Variants in BECN1 observed in about 807,000 individuals in gnomAD.
BECN1 encodes the protein beclin-1.
In BECN1, 15 loss-of-function variants were observed where a neutral mutation model predicts 60.1. The ratio of observed to expected loss-of-function variants is 0.25; its 90% CI spans 0.17 to 0.38. BECN1 has a LOEUF of 0.38. Ranked by LOEUF, BECN1 falls within the 10% of genes least tolerant of loss-of-function variation. BECN1 has a pLI of 1.00. For missense variants in BECN1, 424 were observed against 548.2 expected, an observed-to-expected ratio of 0.77 and a Z score of 2.26; for synonymous variants, 179 against 201.8, an observed-to-expected ratio of 0.89 and a Z score of 0.96.
chr17:42,814,157 T>C (rs368485482), intron 9 of BECN1, 149 bp from the exon 10 acceptor site: 46 of 560,452 alleles, frequency 8.2e-5, no homozygotes, highest in African/African-American at 7.5e-4. Context: ...ATTGAATCCA[T>C]GTTTAAAAGA....
chr17:42,818,753 C>CCTA, intron 5 of BECN1, 34 bp downstream of exon 5: 1 of 1,613,940 alleles, frequency 6.2e-7, no homozygotes, highest in African/African-American at 1.3e-5. Flanking sequence ...CCCAGCCAGG[C>CCTA]CTACTGCTTG....
At chr17:42,817,233 C>A (rs1448442235) in intron 7 of BECN1, among the ~76,000 whole-genome samples, 2 of 150,774 alleles carry the variant, frequency 1.3e-5, no homozygotes, top group East Asian at 3.9e-4. Context: ...AAGTCAAGGC[C>A]GCAGTGAGTC....
chr17:42,811,177 G>T (rs746644776), intron 11 of BECN1: 3 of 388,456 alleles, frequency 7.7e-6, no homozygotes, highest in Non-Finnish European at 9.0e-6. Flanking sequence ...GAGTAGGGGT[G>T]AGTGAGGGTT....
rs2055340003 is a variant in BECN1 at position 42,824,187 on chromosome 17, G to C, written c.-35C>G. ...GCCCGGAGCCCGTCACCCAAGTCCG[G>C]TCTACCGCGGAGGCACTGTGGCCTC... On this transcript the variant is annotated 5_prime_UTR_variant, in exon 1 of 12. Coordinates refer to ENST00000590099, the MANE Select transcript of BECN1 (RefSeq NM_001313998.2). 7.1e-6 allele frequency: 3 copies of C among 424,360 alleles called. No homozygotes were observed. The highest frequency in any genetic ancestry group is 4.2e-6 in the Non-Finnish European group (1 of 239,232). The allele number at this position is 424,360 out of a possible 1,614,324, so 26.3% of individuals were successfully genotyped here.
Position 42,810,859 on chromosome 17 carries a change from C to T in BECN1, c.1254G>A (p.Gln418=). 6.2e-7 allele frequency: 1 copy of T among 1,613,662 alleles called. No homozygotes were observed. The highest frequency in any genetic ancestry group is 8.5e-7 in the Non-Finnish European group (1 of 1,179,824). ...GSGGSYSIKT[Q]FNSEEQWTKA... The stretch of plus-strand genomic sequence containing the variant: ...TTGTCCACTGCTCCTCAGAGTTAAA[C>T]TGGGTTTTGATGGAATAGGAGCCGC... Residue 418 remains glutamine, a synonymous_variant, in exon 12 of 12, where the codon CAG becomes CAA. Transcript: ENST00000590099.
chr17:42,813,893 T>C, intron 10 of BECN1, 55 bp downstream of exon 10: 2 of 1,302,434 alleles, frequency 1.5e-6, no homozygotes, highest in Non-Finnish European at 2.1e-6. Context: ...CCATCCATTT[T>C]CTTAAGAGAT....
chr17:42,823,937 C>T (rs113788577), intron 1 of BECN1, 58 bp from the exon 2 acceptor site: 5 of 1,584,068 alleles, frequency 3.2e-6, no homozygotes, highest in East Asian at 2.3e-5. Context: ...ACCTCCGGCC[C>T]GGGGTTACCA....
At chr17:42,818,106 C>A (rs1371937387) in intron 7 of BECN1, 115 bp downstream of exon 7, 6 of 1,112,974 alleles carry the variant, frequency 5.4e-6, no homozygotes, top group Non-Finnish European at 7.7e-6. Context: ...CTGGGGCAGG[C>A]ATGCTGCTGA....
chr17:42,820,128 A>AG (rs1254550446), intron 3 of BECN1, among the ~76,000 whole-genome samples: 2 of 152,080 alleles, frequency 1.3e-5, no homozygotes, highest in Admixed American at 6.6e-5. Context: ...CACTGCCTGC[A>AG]GGGGGCGCTG....
At chr17:42,820,543 A>T (rs997294404) in intron 3 of BECN1, 2 of 448,690 alleles carry the variant, frequency 4.5e-6, no homozygotes, top group Non-Finnish European at 8.0e-6. Flanking sequence ...AACATTTTAA[A>T]ATGACTAATT....
Position 42,823,133 on chromosome 17 carries a change from C to T in BECN1, c.130+615G>A, listed in dbSNP as rs1163995562. ...GTTACAGGGACTAAATGAAGTAATA[C>T]GTGTAATGCACTTGGTATTACTATA... On this transcript the variant is annotated intron_variant, in intron 2 of 11. Coordinates refer to ENST00000590099, the MANE Select transcript of BECN1 (RefSeq NM_001313998.2). 8.5e-5 allele frequency among the ~76,000 whole-genome samples: 13 copies of T among 152,270 alleles called. No homozygotes were observed. The East Asian group carries it at 2.3e-3, about 27-fold the overall frequency.
chr17:42,816,033 T>C lies in BECN1; in HGVS notation c.705A>G (p.Glu235=), dbSNP rs879030764. ...EEAQYQREYS[E]FKRQQLELDD... ...CCAGCTCCAGCTGCTGTCGTTTAAA[T>C]TCACTGTATTCTCTCTGATACCTGT... The change falls in exon 8 of 12, where the codon GAA becomes GAG. Residue 235 remains glutamate (E), a synonymous_variant. Transcript: ENST00000590099. The C allele has an allele frequency of 1.9e-6, 3 of 1,601,334 alleles. No individual in the cohort carries two copies. Among genetic ancestry groups the C allele is most frequent in the African/African-American group, 1.3e-5 (1 of 74,638 alleles).
chr17:42,821,052 C>CATTATT (rs71917375), intron 2 of BECN1, among the ~76,000 whole-genome samples: 2 of 147,044 alleles, frequency 1.4e-5, no homozygotes, highest in Non-Finnish European at 3.1e-5. Context: ...ATAATGGTAT[C>CATTATT]ATTATTATTA....
At position 42,815,952 on chromosome 17, in the gene BECN1, A is replaced by C. The variant is rs1192460073; in HGVS notation, c.786T>G (p.Asp262Glu). The change falls in exon 8 of 12, where the codon GAT becomes GAG. Residue 262 changes from aspartate (D) to glutamate (E), a missense_variant. Coordinates refer to ENST00000590099, the MANE Select transcript of BECN1 (RefSeq NM_001313998.2). Reference sequence around the variant, plus strand: ...TAAAGACGTTGGTTTTCTTCAGCTTATCCAGCTGCGTCTGGGCATAACGCA... The same window carrying C: ...TAAAGACGTTGGTTTTCTTCAGCTTCTCCAGCTGCGTCTGGGCATAACGCA... The part of the protein sequence containing the change: ...NQMRYAQTQL[D>E]KLKKTNVFNA... The C allele has an allele frequency of 6.2e-7, 1 of 1,614,100 alleles. No individual in the cohort carries two copies. Among genetic ancestry groups the C allele is most frequent in the African/African-American group, 1.3e-5 (1 of 74,924 alleles).
At position 42,820,799 on chromosome 17, in the gene BECN1, T is replaced by C; in HGVS notation, c.173A>G (p.Gln58Arg). The change falls in exon 3 of 12, where the codon CAG (glutamine) becomes CGG (arginine). Residue 58 changes from glutamine (Q) to arginine (R), a missense_variant. Coordinates refer to ENST00000590099, the MANE Select transcript of BECN1 (RefSeq NM_001313998.2). ...CTCTCCTGAGTTAGTCTCTTCCTCC[T>C]GGGTCTCTCCTGGTTTCGCCTGGGC... ...TTAQAKPGET[Q>R]EEETNSGEEP... 1 of 1,597,322 alleles carries C rather than the reference T, an allele frequency of 6.3e-7. No individual in the cohort carries two copies. The highest frequency in any genetic ancestry group is 8.5e-7 in the Non-Finnish European group (1 of 1,170,922).
chr17:42,820,109 T>G (rs191703574), intron 3 of BECN1, among the ~76,000 whole-genome samples: 1 of 152,302 alleles, frequency 6.6e-6, no homozygotes, highest in Non-Finnish European at 1.5e-5. Flanking sequence ...CTCTGGCTCC[T>G]GGACTCTTCA....
At position 42,814,611 on chromosome 17, in the gene BECN1, A is replaced by C; in HGVS notation, c.893T>G (p.Val298Gly). Residue 298 changes from valine to glycine, a missense_variant, in exon 9 of 12, where the codon GTG becomes GGG. Val to Gly is a moderately radical substitution (Grantham distance 109). This residue lies in a region of BECN1 where 326 missense variants were observed against 406.2 expected (regional missense o/e 0.80). Coordinates refer to ENST00000590099, the MANE Select transcript of BECN1 (RefSeq NM_001313998.2). Reference protein sequence around the residue: ...FRLGRLPSVPVEWNEINAAWG... With the variant: ...FRLGRLPSVPGEWNEINAAWG... ...AGCAGCATTAATCTCATTCCATTCCACGGGAACACTGGGCAGGCGACCCAG... is the reference window on the plus strand; with the variant it reads ...AGCAGCATTAATCTCATTCCATTCCCCGGGAACACTGGGCAGGCGACCCAG... 1 of 1,614,186 alleles carries C rather than the reference A, an allele frequency of 6.2e-7. No homozygotes were observed. Among genetic ancestry groups the C allele is most frequent in the Non-Finnish European group, 8.5e-7 (1 of 1,180,042 alleles).
intron 7 of BECN1, among the ~76,000 whole-genome samples, chr17:42,816,694 G>T (rs1338279087): frequency 6.6e-6 from 1 of 151,748 alleles, no homozygotes; most frequent in Non-Finnish European, 1.5e-5. Context: ...TTCTGGGCCG[G>T]GTGCAGTGGC....
At chr17:42,817,295 TAA>T (rs575401350) in intron 7 of BECN1, among the ~76,000 whole-genome samples, 1 of 130,864 alleles carries the variant, frequency 7.6e-6, no homozygotes, top group Admixed American at 7.9e-5. Context: ...ACTCTGTTTC[TAA>T]AAAAAAAAAA....
Sources: gnomAD v4.1 joint callset for allele counts (sites outside exome capture counted in the v4.1 genomes callset) on GRCh38, gnomAD v4.1.1 for gene constraint, gnomAD v4.1.1 regional missense constraint, MANE v1.5 for transcripts, NCBI Gene and HGNC (gene_info 2026-07-23, HGNC 2026-07-21) for gene names.